TENT2: variants seen among roughly 807,000 people sequenced by gnomAD.
The protein encoded by TENT2 is poly(A) RNA polymerase GLD2.
A neutral mutation model predicts 72.2 loss-of-function variants in TENT2; 44 were observed. The observed-to-expected ratio is 0.61, with a 90% CI of 0.48 to 0.78. The LOEUF is 0.78. TENT2 is among the 30% of genes least tolerant of loss of function. The pLI, the probability that TENT2 is intolerant of heterozygous loss-of-function variation, is 0.00. For missense variants in TENT2, 541 were observed against 569.6 expected (o/e 0.95, Z 0.51); for synonymous variants, 212 against 192.5 (o/e 1.10, Z -0.84).
intron 1 of TENT2, chr5:79,617,511 T>C (rs1761225974): frequency 6.6e-6 from 1 of 152,174 alleles, no homozygotes; most frequent in African/African-American, 2.4e-5. Context: ...AATCCACCAG[T>C]TGATTTTTCT....
chr5:79,656,742 G>C, intron 10 of TENT2: 1 of 467,498 alleles, frequency 2.1e-6, no homozygotes, highest in Non-Finnish European at 3.8e-6. Flanking sequence ...TTTACATAGG[G>C]ATATATGTAG....
chr5:79,631,048 A>G (rs770711569), intron 4 of TENT2, among the ~76,000 whole-genome samples: 1 of 152,162 alleles, frequency 6.6e-6, no homozygotes, highest in African/African-American at 2.4e-5. Flanking sequence ...TTGATGATAT[A>G]TTAGATTACA....
rs1763475587 is a variant in TENT2, at chr5:79,620,002, G to A, written c.146G>A (p.Arg49Lys). 1.2e-6 allele frequency: 2 copies of A among 1,607,040 alleles called. No individual in the cohort carries two copies. The highest frequency in any genetic ancestry group is 1.7e-6 in the Non-Finnish European group (2 of 1,175,702). Residue 49 changes from arginine (R) to lysine (K), a missense_variant, in exon 3 of 15, where the codon AGA (arginine) becomes AAA (lysine). Arg to Lys is a conservative substitution (Grantham distance 26). Transcript: ENST00000453514. ...QFNFQNADLS[R>K]AVSLQQLTYG... ...TTCTTTGATTTTGTTAGCTTGTCTA[G>A]AGCTGTGTCATTACAGCAGCTGACA...
intron 3 of TENT2, among the ~76,000 whole-genome samples, chr5:79,621,891 T>C (rs1765299143): frequency 6.6e-6 from 1 of 152,244 alleles, no homozygotes; most frequent in Admixed American, 6.5e-5. Flanking sequence ...TTTAAAAATA[T>C]TAAATATACT....
chr5:79,632,549 T>G (rs1450759645), intron 4 of TENT2, among the ~76,000 whole-genome samples: 2 of 152,162 alleles, frequency 1.3e-5, no homozygotes, highest in Non-Finnish European at 2.9e-5. Context: ...TTATGTGAAT[T>G]GACTTATTTG....
chr5:79,664,594 C>CAAAAA (rs369492064), intron 11 of TENT2, among the ~76,000 whole-genome samples: 1 of 95,618 alleles, frequency 1.0e-5, no homozygotes, highest in African/African-American at 3.4e-5. Flanking sequence ...CACTCTGTCT[C>CAAAAA]AAAAAAAAAA....
intron 4 of TENT2, among the ~76,000 whole-genome samples, chr5:79,634,169 A>C (rs1412442487): frequency 6.6e-6 from 1 of 151,468 alleles, no homozygotes; most frequent in Non-Finnish European, 1.5e-5. Context: ...AAAAAAAAAA[A>C]AAAACTTTCT....
chr5:79,633,794 G>A (rs1293058629), intron 4 of TENT2, among the ~76,000 whole-genome samples: 2 of 150,408 alleles, frequency 1.3e-5, no homozygotes, highest in African/African-American at 4.9e-5. Flanking sequence ...GAACTGCTGA[G>A]TATACCATGT....
At position 79,652,218 on chromosome 5, in the gene TENT2, T is replaced by G. The variant is rs752531094; in HGVS notation, c.1027+3028T>G. Reference sequence around the variant, plus strand: ...AAATAATAGAAGATTAGAAGTACTCTTAAATTTTCTAGAATAGGGGAATGG... The same window carrying G: ...AAATAATAGAAGATTAGAAGTACTCGTAAATTTTCTAGAATAGGGGAATGG... On this transcript the variant is annotated intron_variant, in intron 10 of 14. Transcript: ENST00000453514. Among the ~76,000 whole-genome samples the G allele has an allele frequency of 4.9e-4, 74 of 152,056 alleles. 1 individual carries two copies. Among genetic ancestry groups the G allele is most frequent in the Admixed American group, 3.9e-4 (6 of 15,258 alleles).
At chr5:79,664,410 C>T (rs895717768) in intron 11 of TENT2, among the ~76,000 whole-genome samples, 1 of 152,198 alleles carries the variant, frequency 6.6e-6, no homozygotes, top group Non-Finnish European at 1.5e-5. Context: ...TCCTGGCCAA[C>T]ATGGTCAAAC....
intron 10 of TENT2, 101 bp from the exon 11 acceptor site, chr5:79,656,857 T>G (rs1798319469): frequency 1.4e-6 from 1 of 706,310 alleles, no homozygotes; most frequent in Non-Finnish European, 2.3e-6. Flanking sequence ...AATTTTAGCA[T>G]AAACCCTTAT....
At chr5:79,675,806 A>G (rs1016670015) in intron 12 of TENT2, among the ~76,000 whole-genome samples, 2 of 152,180 alleles carry the variant, frequency 1.3e-5, no homozygotes, top group Non-Finnish European at 2.9e-5. Context: ...ACAGTTTCCA[A>G]TAGCTGGTTG....
chr5:79,647,965 A>C (rs907140177), intron 8 of TENT2, among the ~76,000 whole-genome samples: 2 of 152,240 alleles, frequency 1.3e-5, no homozygotes, highest in African/African-American at 4.8e-5. Context: ...TTTAGAGGAA[A>C]TATAATGTGT....
chr5:79,656,404 A>C (rs1798001887), intron 10 of TENT2, among the ~76,000 whole-genome samples: 1 of 151,932 alleles, frequency 6.6e-6, no homozygotes, highest in African/African-American at 2.4e-5. Context: ...TAATGAGGTT[A>C]AAGATTTTTC....
intron 9 of TENT2, 84 bp downstream of exon 9, chr5:79,648,777 C>T: frequency 1.9e-6 from 2 of 1,060,734 alleles, no homozygotes; most frequent in South Asian, 3.1e-5. Context: ...AGTGACATCT[C>T]TTTAGTTGTG....
At chr5:79,650,409 A>G (rs1354586757) in intron 10 of TENT2, among the ~76,000 whole-genome samples, 3 of 152,094 alleles carry the variant, frequency 2.0e-5, no homozygotes, top group Non-Finnish European at 4.4e-5. Flanking sequence ...CAGATTACTA[A>G]TAAAATGTGA....
chr5:79,658,531 T>C (rs1017016551), intron 11 of TENT2, among the ~76,000 whole-genome samples: 15 of 152,236 alleles, frequency 9.9e-5, no homozygotes, highest in African/African-American at 3.6e-4. Context: ...CTCCATAAAG[T>C]ATTGACTCTC....
At chr5:79,645,517 CAT>C (rs1788113844) in intron 8 of TENT2, among the ~76,000 whole-genome samples, 1 of 151,964 alleles carries the variant, frequency 6.6e-6, no homozygotes, top group African/African-American at 2.4e-5. Context: ...TGAAATTTGA[CAT>C]GTACTAATAT....
chr5:79,659,531 CAAAAA>C, intron 11 of TENT2, among the ~76,000 whole-genome samples: 1 of 8,978 alleles, frequency 1.1e-4, no homozygotes, highest in African/African-American at 4.2e-4. Flanking sequence ...GACTCTGTCT[CAAAAA>C]AAAAAAAAAA....
Sources: gnomAD v4.1 joint callset for allele counts (sites outside exome capture counted in the v4.1 genomes callset) on GRCh38, gnomAD v4.1.1 for gene constraint, MANE v1.5 for transcripts, NCBI Gene and HGNC (gene_info 2026-07-23, HGNC 2026-07-21) for gene names.